The following ATP8A2 variants were observed in gnomAD, a reference collection of about 807,000 sequenced individuals.
ATP8A2 encodes the protein phospholipid-transporting ATPase IB.
Under a neutral mutation model 165.6 loss-of-function variants are expected in ATP8A2, and 100 were observed. The observed-to-expected ratio is 0.60, with a 90% CI of 0.51 to 0.71. The LOEUF is 0.71. ATP8A2 is among the 30% of genes least tolerant of loss of function. The pLI, the probability that ATP8A2 is intolerant of heterozygous loss-of-function variation, is 0.00. For missense variants in ATP8A2, 1,227 were observed against 1,479.5 expected, an observed-to-expected ratio of 0.83 and a Z score of 2.80; for synonymous variants, 543 against 548.8, an observed-to-expected ratio of 0.99 and a Z score of 0.15.
rs867098353 is a variant in ATP8A2, at chr13:26,008,141, G to C, written c.3378-4390G>C. ...AAAGAAAACTCATTCTGAAGAACTA[G>C]AGCACACACAGGAAATGAACCACAA... On this transcript the variant is annotated intron_variant, in intron 35 of 36. Transcript: ENST00000381655. 2.0e-5 allele frequency among the ~76,000 whole-genome samples: 3 copies of C among 152,142 alleles called. 1 individual carries two copies. The highest frequency in any genetic ancestry group is 4.1e-4 in the South Asian group (2 of 4,832).
At chr13:25,489,333 C>T (rs1042874213) in intron 2 of ATP8A2, among the ~76,000 whole-genome samples, 3 of 152,184 alleles carry the variant, frequency 2.0e-5, no homozygotes, top group Non-Finnish European at 4.4e-5. Context: ...TCCTAATCTA[C>T]TCAAGTTCGT....
At chr13:25,652,746 T>C (rs908703443) in intron 24 of ATP8A2, among the ~76,000 whole-genome samples, 4 of 152,228 alleles carry the variant, frequency 2.6e-5, no homozygotes, top group African/African-American at 9.6e-5. Flanking sequence ...AGTTCCTGAT[T>C]TTCTTTCAGT....
chr13:25,532,195 TG>T, intron 4 of ATP8A2, 76 bp from the exon 5 acceptor site: 1 of 1,165,414 alleles, frequency 8.6e-7, no homozygotes, highest in Admixed American at 1.9e-5. Flanking sequence ...TGTAATTTCC[TG>T]ATTGTTTTGT....
At chr13:25,627,307 G>C (rs947039934) in intron 24 of ATP8A2, among the ~76,000 whole-genome samples, 11 of 152,252 alleles carry the variant, frequency 7.2e-5, no homozygotes, top group African/African-American at 2.4e-4. Flanking sequence ...ATGCCATGCA[G>C]GGCCCTGTAG....
chr13:25,659,906 A>G (rs140885314), intron 24 of ATP8A2, among the ~76,000 whole-genome samples: 2 of 152,310 alleles, frequency 1.3e-5, no homozygotes, highest in East Asian at 1.9e-4. Flanking sequence ...ATGTTATTAC[A>G]TTTAGAATTA....
intron 35 of ATP8A2, among the ~76,000 whole-genome samples, chr13:25,982,556 G>C (rs975524336): frequency 1.3e-5 from 2 of 152,122 alleles, no homozygotes; most frequent in African/African-American, 4.8e-5. Context: ...TTTTTTATTT[G>C]ATAACCCAGA....
chr13:25,651,480 G>A (rs956141257), intron 24 of ATP8A2, among the ~76,000 whole-genome samples: 6 of 151,834 alleles, frequency 4.0e-5, no homozygotes, highest in African/African-American at 1.5e-4. Flanking sequence ...TTTCTTAGAA[G>A]TCAGGCTGTT....
chr13:25,500,274 T>C (rs920345691), intron 2 of ATP8A2, among the ~76,000 whole-genome samples: 3 of 152,140 alleles, frequency 2.0e-5, no homozygotes, highest in African/African-American at 7.2e-5. Flanking sequence ...TTGTTTGCCC[T>C]AGAGAATTCA....
intron 1 of ATP8A2, among the ~76,000 whole-genome samples, chr13:25,382,803 T>G (rs1188977313): frequency 6.6e-6 from 1 of 151,938 alleles, no homozygotes; most frequent in African/African-American, 2.4e-5. Context: ...TCGCCCAGGC[T>G]GGAGTGCAGT....
intron 24 of ATP8A2, among the ~76,000 whole-genome samples, chr13:25,591,650 G>A (rs2040083328): frequency 1.4e-5 from 2 of 145,840 alleles, no homozygotes; most frequent in South Asian, 2.2e-4. Flanking sequence ...TGTGCCAAAC[G>A]AGGCTCACCG....
At chr13:25,962,386 T>C (rs934493476) in intron 34 of ATP8A2, among the ~76,000 whole-genome samples, 4 of 152,226 alleles carry the variant, frequency 2.6e-5, no homozygotes, top group African/African-American at 9.6e-5. Flanking sequence ...AGAAAACCAG[T>C]CATGAAGATG....
intron 33 of ATP8A2, among the ~76,000 whole-genome samples, chr13:25,901,586 G>A (rs1953748039): frequency 6.6e-6 from 1 of 152,002 alleles, no homozygotes; most frequent in Non-Finnish European, 1.5e-5. Flanking sequence ...TTATCTATTT[G>A]TTTTTCCATT....
At chr13:25,761,665 T>C (rs961679732) in intron 25 of ATP8A2, among the ~76,000 whole-genome samples, 2 of 150,504 alleles carry the variant, frequency 1.3e-5, no homozygotes, top group Non-Finnish European at 3.0e-5. Context: ...TATATATATA[T>C]ACACACACAT....
rs980565465 is a variant in ATP8A2 at position 25,953,026 on chromosome 13, G to A, written c.3184-8549G>A. On this transcript the variant is annotated intron_variant, in intron 33 of 36. Coordinates refer to ENST00000381655, the MANE Select transcript of ATP8A2 (RefSeq NM_016529.6). The surrounding 1 kb of genome is among the most constrained non-coding windows in gnomAD (Gnocchi z 6.7). ...AGAAATTTTAGGAGGCAACACTGAG[G>A]GGCAAGGAGGGCTGAGAAGAGAAGG... is the stretch of plus-strand genomic sequence containing the variant. Among the ~76,000 whole-genome samples the A allele has an allele frequency of 2.0e-5, 3 of 152,166 alleles. No individual in the cohort carries two copies. Among genetic ancestry groups the A allele is most frequent in the South Asian group, 2.1e-4 (1 of 4,836 alleles).
chr13:25,987,827 G>A (rs1210086929), intron 35 of ATP8A2, among the ~76,000 whole-genome samples: 2 of 152,192 alleles, frequency 1.3e-5, no homozygotes, highest in East Asian at 1.9e-4. Flanking sequence ...AGGCACCATG[G>A]GATGTGTCCT....
At chr13:25,767,362 G>A (rs2044513497) in intron 25 of ATP8A2, among the ~76,000 whole-genome samples, 1 of 152,224 alleles carries the variant, frequency 6.6e-6, no homozygotes, top group South Asian at 2.1e-4. Flanking sequence ...CTACAAGGGA[G>A]ATGGTGATTC....
At chr13:25,554,340 A>G (rs1266069972) in intron 12 of ATP8A2, among the ~76,000 whole-genome samples, 2 of 152,322 alleles carry the variant, frequency 1.3e-5, no homozygotes, top group East Asian at 3.9e-4. Flanking sequence ...AAGGACTGCC[A>G]TGGCTCTTAA....
intron 13 of ATP8A2, among the ~76,000 whole-genome samples, chr13:25,556,691 A>T (rs762611576): frequency 4.6e-5 from 7 of 152,104 alleles, no homozygotes; most frequent in Non-Finnish European, 8.8e-5. Flanking sequence ...TTTTGACTTC[A>T]TTTCATACAC....
chr13:25,829,704 A>G (rs1440874096), intron 28 of ATP8A2, among the ~76,000 whole-genome samples: 33 of 101,864 alleles, frequency 3.2e-4, no homozygotes, highest in African/African-American at 1.2e-3. Context: ...ATATATATAT[A>G]TATATATATA....
Sources: gnomAD v4.1 joint callset for allele counts (sites outside exome capture counted in the v4.1 genomes callset) on GRCh38, gnomAD v4.1.1 for gene constraint, Gnocchi (gnomAD v3.1) non-coding constraint, MANE v1.5 for transcripts, NCBI Gene and HGNC (gene_info 2026-07-23, HGNC 2026-07-21) for gene names.